The following RBM6 variants were observed in gnomAD, a reference collection of about 807,000 sequenced individuals.
RBM6 encodes the protein RNA-binding protein 6.
A neutral mutation model predicts 140.4 loss-of-function variants in RBM6; 23 were observed. That is an observed-to-expected ratio of 0.16 (90% CI 0.12 to 0.23). The LOEUF (loss-of-function observed/expected upper bound fraction) is 0.23, where lower values mean the gene tolerates loss of function less well. RBM6 is among the 10% of genes least tolerant of loss of function. The pLI is 1.00. For missense variants in RBM6, 1,139 were observed against 1,386.7 expected, an observed-to-expected ratio of 0.82 and a Z score of 2.84; for synonymous variants, 439 against 475.6, an observed-to-expected ratio of 0.92 and a Z score of 1.00.
In RBM6 at chr3:49,967,410, C is replaced by T; in HGVS notation, c.45-60C>T. 1 of 1,551,456 alleles carries T rather than the reference C, an allele frequency of 6.4e-7. No individual in the cohort carries two copies. Among genetic ancestry groups the T allele is most frequent in the Non-Finnish European group, 8.7e-7 (1 of 1,150,148 alleles). On this transcript the variant is annotated intron_variant, in intron 2 of 20. Coordinates refer to ENST00000266022, the MANE Select transcript of RBM6 (RefSeq NM_005777.3). The surrounding 1 kb of genome is among the most constrained non-coding windows in gnomAD (Gnocchi z 4.0). Reference sequence around the variant, plus strand: ...TGTGCTGTGATTAGAGAAGAATATGCTGGTGTGTAGATTTCAAACTCTCTG... The same window carrying T: ...TGTGCTGTGATTAGAGAAGAATATGTTGGTGTGTAGATTTCAAACTCTCTG...
At chr3:50,065,312 G>A (rs1361919459) in intron 16 of RBM6, among the ~76,000 whole-genome samples, 186 bp downstream of exon 16, 1 of 152,164 alleles carries the variant, frequency 6.6e-6, no homozygotes, top group African/African-American at 2.4e-5. Context: ...GCTAATGGGG[G>A]TATTACTGGA....
chr3:50,001,140 A>G (rs1039407733), intron 6 of RBM6, among the ~76,000 whole-genome samples: 2 of 152,172 alleles, frequency 1.3e-5, no homozygotes, highest in Non-Finnish European at 2.9e-5. Context: ...GGACATATTC[A>G]GGAAAAAAAT....
At chr3:49,964,411 AT>A (rs905317387) in intron 2 of RBM6, among the ~76,000 whole-genome samples, 5 of 152,052 alleles carry the variant, frequency 3.3e-5, no homozygotes, top group African/African-American at 1.2e-4. Context: ...GATGTTGGGT[AT>A]TTTTTTTCTT....
At chr3:50,015,431 ATT>A (rs1203865246) in intron 6 of RBM6, among the ~76,000 whole-genome samples, 2 of 145,848 alleles carry the variant, frequency 1.4e-5, no homozygotes, top group African/African-American at 2.5e-5. Context: ...TATTATTATT[ATT>A]TTTTTTTTTT....
At chr3:49,981,991 G>T (rs2085324750) in intron 5 of RBM6, among the ~76,000 whole-genome samples, 2 of 152,188 alleles carry the variant, frequency 1.3e-5, no homozygotes, top group Admixed American at 1.3e-4. Flanking sequence ...AAGTGCTACA[G>T]AATTACTTTA....
chr3:50,009,149 A>C (rs999938786), intron 6 of RBM6, among the ~76,000 whole-genome samples: 12 of 152,172 alleles, frequency 7.9e-5, no homozygotes, highest in African/African-American at 2.9e-4. Context: ...CAGCCAGTTC[A>C]CATAGTGCTT....
intron 19 of RBM6, among the ~76,000 whole-genome samples, chr3:50,074,326 CT>C (rs879763860): frequency 1.4e-3 from 197 of 142,908 alleles, no homozygotes; most frequent in Middle Eastern, 3.6e-3. Context: ...TACTGCATTT[CT>C]TTTTTTTTTT....
intron 8 of RBM6, among the ~76,000 whole-genome samples, chr3:50,057,062 TC>T (rs2089729820): frequency 6.6e-6 from 1 of 152,184 alleles, no homozygotes; most frequent in Non-Finnish European, 1.5e-5. Flanking sequence ...GGTAATTTTG[TC>T]CCCAGATGTG....
chr3:49,982,262 CTTTTTTTTTTTTTTTT>C (rs751604271), intron 5 of RBM6, among the ~76,000 whole-genome samples: 41 of 68,398 alleles, frequency 6.0e-4, no homozygotes, highest in African/African-American at 7.8e-4. Context: ...CTTTTCTTTT[CTTTTTTTTTTTTTTTT>C]TTTTTTTTTT....
intron 6 of RBM6, among the ~76,000 whole-genome samples, chr3:50,014,685 A>G (rs1208086449): frequency 6.6e-6 from 1 of 152,200 alleles, no homozygotes; most frequent in African/African-American, 2.4e-5. Context: ...CATATATTTT[A>G]TCTTAATACA....
At chr3:50,051,770 TGATG>T (rs2089478215) in intron 7 of RBM6, among the ~76,000 whole-genome samples, 1 of 152,260 alleles carries the variant, frequency 6.6e-6, no homozygotes. Context: ...GTCCATTGGC[TGATG>T]GATGGATGAA....
At chr3:49,969,495 A>G (rs566368263) in intron 3 of RBM6, among the ~76,000 whole-genome samples, 10 of 147,106 alleles carry the variant, frequency 6.8e-5, no homozygotes, top group African/African-American at 2.5e-4. Flanking sequence ...ATATGTATAT[A>G]TATGAATATA....
At chr3:50,001,747 A>G (rs1325069647) in intron 6 of RBM6, among the ~76,000 whole-genome samples, 1 of 152,206 alleles carries the variant, frequency 6.6e-6, no homozygotes, top group Admixed American at 6.5e-5. Context: ...GGTGGATCCT[A>G]TTCTGACAGT....
chr3:50,041,654 A>G (rs1020366623), intron 6 of RBM6, among the ~76,000 whole-genome samples: 1 of 151,510 alleles, frequency 6.6e-6, no homozygotes, highest in Non-Finnish European at 1.5e-5. Flanking sequence ...GGTTCTTGAA[A>G]CTCCTGGTAG....
intron 2 of RBM6, among the ~76,000 whole-genome samples, chr3:49,965,705 C>G (rs2108626978): frequency 6.6e-6 from 1 of 151,442 alleles, no homozygotes; most frequent in Non-Finnish European, 1.5e-5. Flanking sequence ...AAACTTGCTC[C>G]TCTTATGATG....
chr3:49,980,285 G>A (rs2085250340), intron 5 of RBM6, among the ~76,000 whole-genome samples: 1 of 151,898 alleles, frequency 6.6e-6, no homozygotes, highest in Non-Finnish European at 1.5e-5. Flanking sequence ...AATTACAGAC[G>A]TGAGCCACCA....
chr3:50,024,813 C>T (rs1304262460), intron 6 of RBM6, among the ~76,000 whole-genome samples: 1 of 151,786 alleles, frequency 6.6e-6, no homozygotes, highest in African/African-American at 2.4e-5. Flanking sequence ...ATTAGCTGGG[C>T]GTGGTGACGG....
At chr3:50,042,001 T>A (rs1411034716) in intron 6 of RBM6, among the ~76,000 whole-genome samples, 1 of 152,228 alleles carries the variant, frequency 6.6e-6, no homozygotes, top group East Asian at 1.9e-4. Context: ...AGCTCTGTAT[T>A]CTTGGGCAGA....
At chr3:49,979,630 G>A (rs1369157997) in intron 5 of RBM6, among the ~76,000 whole-genome samples, 2 of 151,888 alleles carry the variant, frequency 1.3e-5, no homozygotes, top group Non-Finnish European at 2.9e-5. Flanking sequence ...TAGTAGAGAC[G>A]GGGTTTCGCC....
Sources: allele counts gnomAD v4.1 joint callset (sites outside exome capture counted in the v4.1 genomes callset), GRCh38; gene constraint gnomAD v4.1.1; non-coding constraint Gnocchi (gnomAD v3.1); transcripts MANE v1.5; gene names NCBI Gene and HGNC (gene_info 2026-07-23, HGNC 2026-07-21).